The following SMG6 variants were observed in gnomAD, a reference collection of about 807,000 sequenced individuals.
SMG6 encodes the protein SMG6 nonsense mediated mRNA decay factor.
In SMG6, 66 loss-of-function variants were observed where a neutral mutation model predicts 142.2. That is an observed-to-expected ratio of 0.46 (90% CI 0.38 to 0.57). SMG6 has a LOEUF of 0.57. Ranked by LOEUF, SMG6 falls within the 20% of genes least tolerant of loss-of-function variation. SMG6 has a pLI of 0.00. For missense variants in SMG6, 1,793 were observed against 1,832.0 expected (o/e 0.98, Z 0.39); for synonymous variants, 779 against 702.4 (o/e 1.11, Z -1.72).
At chr17:2,189,839 A>C (rs770713981) in intron 10 of SMG6, among the ~76,000 whole-genome samples, 14 of 147,182 alleles carry the variant, frequency 9.5e-5, no homozygotes, top group African/African-American at 3.8e-4. Flanking sequence ...CCAACAAACG[A>C]ATAGCATCCA....
At chr17:2,205,045 T>C (rs759700637) in intron 10 of SMG6, among the ~76,000 whole-genome samples, 3 of 152,116 alleles carry the variant, frequency 2.0e-5, no homozygotes, top group South Asian at 4.1e-4. Flanking sequence ...CCAATATACA[T>C]TGTTTGAAAC....
chr17:2,148,304 A>G (rs543612693), intron 13 of SMG6, among the ~76,000 whole-genome samples: 1 of 152,370 alleles, frequency 6.6e-6, no homozygotes, highest in East Asian at 1.9e-4. Flanking sequence ...CAGGATCTCA[A>G]AGAGATATTT....
At chr17:2,245,601 T>A (rs1597697992) in intron 8 of SMG6, among the ~76,000 whole-genome samples, 1 of 152,310 alleles carries the variant, frequency 6.6e-6, no homozygotes, top group Non-Finnish European at 1.5e-5. Context: ...GCCAGGCTGG[T>A]CTCCAACTCC....
chr17:2,175,299 C>A (rs974413440), intron 12 of SMG6, among the ~76,000 whole-genome samples: 1 of 152,118 alleles, frequency 6.6e-6, no homozygotes, highest in Non-Finnish European at 1.5e-5. Context: ...CTGGTTGGTG[C>A]GTGCAGGTCA....
intron 13 of SMG6, among the ~76,000 whole-genome samples, chr17:2,091,504 G>C (rs982279478): frequency 2.2e-4 from 34 of 152,174 alleles, no homozygotes; most frequent in Admixed American, 6.5e-5. Flanking sequence ...AAGGGGGACA[G>C]AGTGAGAAAA....
intron 10 of SMG6, chr17:2,233,614 GA>G (rs563387471): frequency 3.6e-4 from 55 of 152,328 alleles, no homozygotes; most frequent in African/African-American, 1.2e-3. Flanking sequence ...AACTGCTGCT[GA>G]TTAGTGAAGG....
chr17:2,274,685 T>C (rs372934973), intron 8 of SMG6, among the ~76,000 whole-genome samples: 1 of 152,144 alleles, frequency 6.6e-6, no homozygotes, highest in East Asian at 1.9e-4. Flanking sequence ...AAATATACAA[T>C]GGCATTTCTC....
chr17:2,275,224 C>A (rs918260256), intron 8 of SMG6, among the ~76,000 whole-genome samples: 1 of 152,078 alleles, frequency 6.6e-6, no homozygotes. Context: ...GAGTTCAATA[C>A]CAGCCTGGCC....
At chr17:2,258,730 G>A (rs2074248628) in intron 8 of SMG6, among the ~76,000 whole-genome samples, 1 of 151,448 alleles carries the variant, frequency 6.6e-6, no homozygotes, top group East Asian at 1.9e-4. Flanking sequence ...CCCAGGAGGT[G>A]AAGGGTGAAG....
At chr17:2,285,771 T>C (rs1409543809) in intron 6 of SMG6, among the ~76,000 whole-genome samples, 1 of 152,176 alleles carries the variant, frequency 6.6e-6, no homozygotes, top group African/African-American at 2.4e-5. Flanking sequence ...CCTCCCGGAT[T>C]TGAGCAATTC....
chr17:2,249,632 T>C (rs994273598), intron 8 of SMG6, among the ~76,000 whole-genome samples: 20 of 152,196 alleles, frequency 1.3e-4, no homozygotes, highest in Admixed American at 1.0e-3. Context: ...CAGACTTTTT[T>C]CATTTTTAAC....
At chr17:2,229,066 T>TA (rs1016392308) in intron 10 of SMG6, among the ~76,000 whole-genome samples, 12 of 152,078 alleles carry the variant, frequency 7.9e-5, no homozygotes, top group African/African-American at 2.9e-4. Flanking sequence ...CAATGCTCCT[T>TA]AAAAAAATCC....
chr17:2,247,747 C>T (rs770300336), intron 8 of SMG6, among the ~76,000 whole-genome samples: 3 of 151,996 alleles, frequency 2.0e-5, no homozygotes, highest in African/African-American at 4.8e-5. Flanking sequence ...TGCTCCATTG[C>T]ACCCCAGCCT....
intron 6 of SMG6, among the ~76,000 whole-genome samples, chr17:2,290,305 T>C (rs1321552697): frequency 1.3e-5 from 2 of 152,142 alleles, no homozygotes; most frequent in African/African-American, 4.8e-5. Context: ...AGAAATAAAC[T>C]TATGCAAATA....
intron 13 of SMG6, among the ~76,000 whole-genome samples, chr17:2,143,109 A>T (rs1268991513): frequency 6.6e-6 from 1 of 152,168 alleles, no homozygotes; most frequent in Non-Finnish European, 1.5e-5. Context: ...ACCCTCATAC[A>T]TTTGCTGCTA....
At chr17:2,248,746 G>A (rs751318371) in intron 8 of SMG6, among the ~76,000 whole-genome samples, 5 of 152,080 alleles carry the variant, frequency 3.3e-5, no homozygotes, top group African/African-American at 4.8e-5. Flanking sequence ...ACTTCAATTA[G>A]GAAAGGAGCT....
In SMG6 at chr17:2,061,545, T is replaced by C; in HGVS notation, c.4207A>G (p.Asn1403Asp). ...RNLRVKALTR[N>D]VPVRDIPAFL... ...GCTGGGATGTCCCGTACAGGAACAT[T>C]CCTTGTGAGCGCCTTCACACGCAGG... Residue 1403 changes from asparagine to aspartate, a missense_variant, in exon 19 of 19, where the codon AAT (asparagine) becomes GAT (aspartate). Physicochemically the swap from Asn to Asp is conservative, Grantham distance 23 (BLOSUM62 1). Transcript: ENST00000263073. 6.3e-7 allele frequency: 1 copy of C among 1,575,050 alleles called. No individual in the cohort carries two copies. Among genetic ancestry groups the C allele is most frequent in the Non-Finnish European group, 8.6e-7 (1 of 1,159,904 alleles).
chr17:2,294,114 C>T (rs2075097869), intron 4 of SMG6, among the ~76,000 whole-genome samples: 1 of 152,204 alleles, frequency 6.6e-6, no homozygotes, highest in African/African-American at 2.4e-5. Flanking sequence ...ATACTGACCC[C>T]TCAGGAAGGC....
chr17:2,097,365 G>T (rs1464135832), intron 13 of SMG6, among the ~76,000 whole-genome samples: 3 of 151,914 alleles, frequency 2.0e-5, no homozygotes, highest in Non-Finnish European at 4.4e-5. Flanking sequence ...TGAACTCTTG[G>T]CCTCAAGCAA....
Sources: allele counts gnomAD v4.1 joint callset (sites outside exome capture counted in the v4.1 genomes callset), GRCh38; gene constraint gnomAD v4.1.1; transcripts MANE v1.5; gene names NCBI Gene and HGNC (gene_info 2026-07-23, HGNC 2026-07-21).